Variants in DGAT2L6 observed in about 807,000 individuals in gnomAD.
DGAT2L6 encodes the protein diacylglycerol O-acyltransferase 2-like protein 6.
A neutral mutation model predicts 25.5 loss-of-function variants in DGAT2L6; 22 were observed. That is an observed-to-expected ratio of 0.86 (90% CI 0.62 to 1.23). DGAT2L6 has a LOEUF of 1.23. DGAT2L6 is among the 50% of genes most tolerant of loss of function. The pLI is 0.00. For missense variants in DGAT2L6, 287 were observed against 253.2 expected (o/e 1.13, Z -0.91); for synonymous variants, 100 against 94.7 (o/e 1.06, Z -0.32).
Position 70,204,422 on chromosome X carries a change from A to G in DGAT2L6, c.765A>G (p.Lys255=). ...FQKTFQDTFK[K]ILGLNFCTFH... is the part of the protein sequence containing the mutation. ...AAACCTTCCAGGACACATTCAAAAA[A>G]ATCCTGGGACTAAATTTCTGTACCT... The change falls in exon 6 of 7, where the codon AAA becomes AAG. Residue 255 remains lysine (K), a synonymous_variant. Coordinates refer to ENST00000333026, the MANE Select transcript of DGAT2L6 (RefSeq NM_198512.3). The G allele has an allele frequency of 8.3e-7, 1 of 1,211,608 alleles. No individual in the cohort carries two copies. Among genetic ancestry groups the G allele is most frequent in the Non-Finnish European group, 1.1e-6 (1 of 895,459 alleles).
At chrX:70,200,842 T>A (rs1394738545) in intron 4 of DGAT2L6, among the ~76,000 whole-genome samples, 1 of 112,046 alleles carries the variant, frequency 8.9e-6, no homozygotes, top group Non-Finnish European at 1.9e-5. Context: ...CTCTCTAGGA[T>A]GTCAGCTGGC....
At chrX:70,203,674 G>A (rs2085418643) in intron 5 of DGAT2L6, among the ~76,000 whole-genome samples, 1 of 111,050 alleles carries the variant, frequency 9.0e-6, no homozygotes, top group Non-Finnish European at 1.9e-5. Flanking sequence ...CAGCGTTAGT[G>A]TAGAAGAGAG....
At chrX:70,184,047 A>G (rs1162707158) in intron 1 of DGAT2L6, among the ~76,000 whole-genome samples, 3 of 110,969 alleles carry the variant, frequency 2.7e-5, no homozygotes, top group Non-Finnish European at 5.7e-5. Context: ...CTCAAAATAA[A>G]TAAATAAAAA....
At chrX:70,198,430 C>T (rs1403301007) in intron 1 of DGAT2L6, among the ~76,000 whole-genome samples, 2 of 112,097 alleles carry the variant, frequency 1.8e-5, no homozygotes, top group Non-Finnish European at 3.8e-5. Context: ...TCTCAAACTC[C>T]TAGGTTCAAG....
chrX:70,185,272 C>T (rs1317272095), intron 1 of DGAT2L6, among the ~76,000 whole-genome samples: 1 of 111,698 alleles, frequency 9.0e-6, no homozygotes, highest in African/African-American at 3.3e-5. Context: ...ATCCATCTGA[C>T]AAAAATCCTA....
chrX:70,202,208 C>A, intron 5 of DGAT2L6, 144 bp downstream of exon 5: 1 of 511,976 alleles, frequency 2.0e-6, no homozygotes, highest in Non-Finnish European at 2.8e-6. Flanking sequence ...CACATTGTGC[C>A]TTAGGGATGT....
intron 1 of DGAT2L6, among the ~76,000 whole-genome samples, chrX:70,190,142 T>C (rs1349660530): frequency 8.9e-6 from 1 of 112,496 alleles, no homozygotes; most frequent in East Asian, 2.8e-4. Context: ...ATGAATATGG[T>C]CAATTGATTT....
intron 1 of DGAT2L6, among the ~76,000 whole-genome samples, chrX:70,188,142 G>T (rs1463524452): frequency 8.9e-6 from 1 of 111,822 alleles, no homozygotes; most frequent in Non-Finnish European, 1.9e-5. Context: ...TTTGAAGAAA[G>T]GACCCACTTA....
chrX:70,195,464 T>TCACACACACA (rs1256082724), intron 1 of DGAT2L6, among the ~76,000 whole-genome samples: 6,228 of 103,531 alleles, frequency 0.06, 174 homozygotes, highest in South Asian at 0.17. Context: ...AAAGAAAGTG[T>TCACACACACA]CACACACACA....
At position 70,205,303 on chromosome X, in the gene DGAT2L6, G is replaced by C; in HGVS notation, c.*197G>C. On this transcript the variant is annotated 3_prime_UTR_variant, in exon 7 of 7. Transcript: ENST00000333026. ...GTGGCTGAGGCAGGCTTAGGGGAAA[G>C]AACCAGAGGGGCAGGGGAGGACTGG... 2.3e-6 allele frequency: 1 copy of C among 436,001 alleles called. No individual in the cohort carries two copies. Among genetic ancestry groups the C allele is most frequent in the Non-Finnish European group, 3.4e-6 (1 of 291,288 alleles). 35.9% of individuals were successfully genotyped at this position (436,001 alleles called of 1,213,427 possible).
At position 70,177,598 on chromosome X, in the gene DGAT2L6, C is replaced by T. The variant is rs2085330865; in HGVS notation, c.16C>T (p.Arg6Ter). 6 of 1,210,603 alleles carry T rather than the reference C, an allele frequency of 5.0e-6. No homozygotes were observed. Among genetic ancestry groups the T allele is most frequent in the South Asian group, 1.8e-5 (1 of 56,937 alleles). Residue 6 changes from arginine (R) to a stop codon, truncating the protein, a stop_gained, in exon 1 of 7, where the codon CGA becomes TGA. Transcript: ENST00000333026. LOFTEE classifies it high-confidence loss of function. MAFFS[R>*]LNLQEGLQTF... is the part of the protein sequence containing the mutation. ...CACCATAACCATGGCTTTCTTCTCC[C>T]GACTGAATCTCCAGGAGGGCCTCCA...
In DGAT2L6 at chrX:70,204,520, A is replaced by T; in HGVS notation, c.859+4A>T. The T allele has an allele frequency of 8.3e-7, 1 of 1,208,511 alleles. No individual in the cohort carries two copies. Among genetic ancestry groups the T allele is most frequent in the South Asian group, 1.8e-5 (1 of 56,678 alleles). Reference sequence around the variant, plus strand: ...AATCGGCCCATTACCACTGTTGGTGAGCTTTCCCTTATCTCCGGATGACCT... The same window carrying T: ...AATCGGCCCATTACCACTGTTGGTGTGCTTTCCCTTATCTCCGGATGACCT... On this transcript the variant is annotated splice_donor_region_variant and intron_variant, in intron 6 of 6. Transcript: ENST00000333026.
At position 70,204,970 on chromosome X, in the gene DGAT2L6, T is replaced by G. The variant is rs1321611434; in HGVS notation, c.878T>G (p.Ile293Ser). 1.7e-6 allele frequency: 2 copies of G among 1,186,501 alleles called. No homozygotes were observed. Among genetic ancestry groups the G allele is most frequent in the Non-Finnish European group, 2.3e-6 (2 of 886,576 alleles). The change falls in exon 7 of 7, where the codon ATT becomes AGT. Residue 293 changes from isoleucine (I) to serine (S), a missense_variant. Coordinates refer to ENST00000333026, the MANE Select transcript of DGAT2L6 (RefSeq NM_198512.3). ...TTCATAGTTGGGGAACCCCTTCCAA[T>G]TCCCAGGATTAAGAGGCCAAACCAG... ...ITTVVGEPLP[I>S]PRIKRPNQKT...
intron 1 of DGAT2L6, among the ~76,000 whole-genome samples, chrX:70,185,766 A>G (rs1229035254): frequency 9.0e-6 from 1 of 110,765 alleles, no homozygotes. Context: ...ATTACCTGTC[A>G]CTCCTACAAG....
chrX:70,177,693 G>C, intron 1 of DGAT2L6, 26 bp downstream of exon 1: 1 of 1,166,557 alleles, frequency 8.6e-7, no homozygotes, highest in Non-Finnish European at 1.2e-6. Flanking sequence ...GGGCTGGAGA[G>C]CACATGGGGA....
At chrX:70,204,193 G>T in intron 5 of DGAT2L6, 112 bp from the exon 6 acceptor site, 2 of 576,894 alleles carry the variant, frequency 3.5e-6, no homozygotes, top group South Asian at 6.1e-5. Flanking sequence ...AGATGTTTGG[G>T]TGCTTGGGTT....
At position 70,201,983 on chromosome X, in the gene DGAT2L6, A is replaced by G. The variant is rs1259584088; in HGVS notation, c.566A>G (p.Glu189Gly). Residue 189 changes from glutamate (E) to glycine (G), a missense_variant, in exon 5 of 7, where the codon GAA becomes GGA. Transcript: ENST00000333026. ...AVVIVVGGAA[E>G]ALLCRPGAST... ...GTTATTGTGGTGGGTGGAGCTGCTG[A>G]AGCTCTCTTGTGCCGACCAGGAGCC... 4 of 1,207,886 alleles carry G rather than the reference A, an allele frequency of 3.3e-6. No homozygotes were observed. Among genetic ancestry groups the G allele is most frequent in the Non-Finnish European group, 4.5e-6 (4 of 894,494 alleles).
chrX:70,178,615 G>A (rs1446063571), intron 1 of DGAT2L6, among the ~76,000 whole-genome samples: 1 of 111,373 alleles, frequency 9.0e-6, no homozygotes, highest in African/African-American at 3.3e-5. Flanking sequence ...CCTGAAGGAT[G>A]AGACAGGTAG....
Position 70,202,065 on chromosome X carries a change from G to A in DGAT2L6, c.647+1G>A. On this transcript the variant is annotated splice_donor_variant, in intron 5 of 6. Transcript: ENST00000333026. LOFTEE classifies it high-confidence loss of function. ...TTGTGAAGATGGCACTGCAAACAGG[G>A]TGGGTTCCAAGGTTCTAGTGCTCTG... 1 of 1,184,192 alleles carries A rather than the reference G, an allele frequency of 8.4e-7. No individual in the cohort carries two copies. The highest frequency in any genetic ancestry group is 1.1e-6 in the Non-Finnish European group (1 of 882,063).
Sources: gnomAD v4.1 joint callset for allele counts (sites outside exome capture counted in the v4.1 genomes callset) on GRCh38, gnomAD v4.1.1 for gene constraint, MANE v1.5 for transcripts, NCBI Gene and HGNC (gene_info 2026-07-23, HGNC 2026-07-21) for gene names.